Variants in JMJD1C observed in about 807,000 individuals in gnomAD.
The protein encoded by JMJD1C is jumonji domain containing 1C, also known as jumonji domain-containing protein 1C.
JMJD1C carries 31 observed loss-of-function variants against 245.3 expected under a neutral mutation model. The observed-to-expected ratio is 0.13, with a 90% confidence interval of 0.09 to 0.17. The LOEUF (loss-of-function observed/expected upper bound fraction) is 0.17, where lower values mean the gene tolerates loss of function less well. Ranked by LOEUF, JMJD1C falls within the 10% of genes least tolerant of loss-of-function variation. The pLI, the probability that JMJD1C is intolerant of heterozygous loss-of-function variation, is 1.00. For missense variants in JMJD1C, 2,691 were observed against 3,000.2 expected, an observed-to-expected ratio of 0.90 and a Z score of 2.41; for synonymous variants, 1,057 against 1,017.4, an observed-to-expected ratio of 1.04 and a Z score of -0.74.
At chr10:63,505,050 C>T (rs1331718029) in intron 1 of JMJD1C, among the ~76,000 whole-genome samples, 24 of 152,122 alleles carry the variant, frequency 1.6e-4, no homozygotes, top group Admixed American at 1.5e-3. Context: ...CAGTGGCTCA[C>T]GCCTATAACC....
At chr10:63,243,785 G>A (rs1329581428) in intron 3 of JMJD1C, among the ~76,000 whole-genome samples, 3 of 152,128 alleles carry the variant, frequency 2.0e-5, no homozygotes, top group African/African-American at 4.8e-5. Context: ...CCTCAAATAT[G>A]AGAGGGAGAC....
chr10:63,196,610 G>A (rs1011540883), intron 13 of JMJD1C, among the ~76,000 whole-genome samples: 3 of 152,018 alleles, frequency 2.0e-5, no homozygotes, highest in East Asian at 1.9e-4. Flanking sequence ...AAAAAAGAGC[G>A]GCCTGAAATG....
intron 3 of JMJD1C, among the ~76,000 whole-genome samples, chr10:63,259,631 A>T (rs910244605): frequency 1.3e-5 from 2 of 152,232 alleles, no homozygotes; most frequent in Admixed American, 6.5e-5. Flanking sequence ...GAAAGACTAC[A>T]GAAATAGATA....
At chr10:63,399,100 G>A (rs1326164327) in intron 1 of JMJD1C, among the ~76,000 whole-genome samples, 2 of 152,060 alleles carry the variant, frequency 1.3e-5, no homozygotes, top group Non-Finnish European at 2.9e-5. Context: ...TGTTTTTTAG[G>A]GAAAGCATCA....
At position 63,186,223 on chromosome 10, in the gene JMJD1C, T is replaced by G. The variant is rs1223639167; in HGVS notation, c.6731A>C (p.Glu2244Ala). ...NVKEFWDGFE[E>A]VSKRQKNKSG... is the part of the protein sequence containing the mutation. ...AATAAAAACCAACATACTTGAAACT[T>G]CTTCAAAACCATCCCAGAATTCCTT... Residue 2244 changes from glutamate (E) to alanine (A), a missense_variant, in exon 19 of 26, where the codon GAA (glutamate) becomes GCA (alanine). Around this residue, in one of 9 missense-constraint regions of JMJD1C, gnomAD observed 232 missense variants for 416.1 expected, o/e 0.56. Coordinates refer to ENST00000399262, the MANE Select transcript of JMJD1C (RefSeq NM_032776.3). The G allele has an allele frequency of 6.2e-7, 1 of 1,607,880 alleles. No homozygotes were observed. The highest frequency in any genetic ancestry group is 8.5e-7 in the Non-Finnish European group (1 of 1,178,158).
At chr10:63,500,428 GA>G (rs60605672) in intron 1 of JMJD1C, among the ~76,000 whole-genome samples, 3,361 of 112,032 alleles carry the variant, frequency 0.03, 100 homozygotes, top group African/African-American at 0.094. Context: ...GTCTCCAAAG[GA>G]AAAAAAAAAA....
chr10:63,202,372 A>G, intron 10 of JMJD1C: 1 of 985,364 alleles, frequency 1.0e-6, no homozygotes, highest in Non-Finnish European at 1.2e-6. Flanking sequence ...TTAGATTTAC[A>G]TAGTTTGCTA....
intron 3 of JMJD1C, among the ~76,000 whole-genome samples, chr10:63,223,229 G>GTT (rs35485931): frequency 2.3e-5 from 3 of 128,400 alleles, no homozygotes; most frequent in Non-Finnish European, 3.2e-5. Flanking sequence ...TTTCTGTGCT[G>GTT]TTTTTTTTTT....
In JMJD1C at chr10:63,185,644, T is replaced by C. The variant is rs2132914810; in HGVS notation, c.6749A>G (p.Lys2250Arg). ...AACAACTGTTTCTCCACTCTTGTTT[T>C]TCTGCCGTTCTATAAGGAATGCAGT... Reference protein sequence around the residue: ...DGFEEVSKRQKNKSGETVVLK... With the variant: ...DGFEEVSKRQRNKSGETVVLK... Residue 2250 changes from lysine (K) to arginine (R), a missense_variant, in exon 20 of 26, where the codon AAA (lysine) becomes AGA (arginine). By Grantham distance (26) the Lys-to-Arg change is conservative. Transcript: ENST00000399262. The C allele has an allele frequency of 1.3e-6, 2 of 1,587,014 alleles. No homozygotes were observed. Among genetic ancestry groups the C allele is most frequent in the Non-Finnish European group, 8.7e-7 (1 of 1,155,112 alleles).
chr10:63,310,670 T>G (rs574828148), intron 2 of JMJD1C, among the ~76,000 whole-genome samples: 1 of 152,268 alleles, frequency 6.6e-6, no homozygotes, highest in African/African-American at 2.4e-5. Context: ...CTTGCTAATG[T>G]GGAAAAATGA....
At chr10:63,251,205 G>A (rs2133625750) in intron 3 of JMJD1C, among the ~76,000 whole-genome samples, 1 of 152,238 alleles carries the variant, frequency 6.6e-6, no homozygotes, top group Middle Eastern at 3.4e-3. Flanking sequence ...TACAAAAATG[G>A]CTATTCCATA....
intron 1 of JMJD1C, among the ~76,000 whole-genome samples, chr10:63,381,554 G>A (rs1246296715): frequency 6.6e-6 from 1 of 152,086 alleles, no homozygotes; most frequent in Admixed American, 6.6e-5. Flanking sequence ...ACAAAAAGTG[G>A]ATCTCATGGA....
At chr10:63,173,137 TTC>T (rs1222487714) in intron 24 of JMJD1C, among the ~76,000 whole-genome samples, 5 of 152,106 alleles carry the variant, frequency 3.3e-5, no homozygotes, top group Non-Finnish European at 5.9e-5. Flanking sequence ...TTTTGAATTT[TTC>T]TGTTTATGTA....
intron 2 of JMJD1C, among the ~76,000 whole-genome samples, chr10:63,360,697 T>C (rs1945250628): frequency 6.6e-6 from 1 of 152,204 alleles, no homozygotes; most frequent in Non-Finnish European, 1.5e-5. Context: ...GCTTATATTA[T>C]AAAAAAATTA....
chr10:63,205,082 T>C (rs1182954613), intron 10 of JMJD1C: 4 of 913,394 alleles, frequency 4.4e-6, no homozygotes, highest in Non-Finnish European at 5.2e-6. Flanking sequence ...AGTAAAATGA[T>C]ATAGAAACAC....
At chr10:63,507,981 C>T (rs1454818723) in intron 1 of JMJD1C, among the ~76,000 whole-genome samples, 1 of 152,044 alleles carries the variant, frequency 6.6e-6, no homozygotes, top group Non-Finnish European at 1.5e-5. Flanking sequence ...CGTCGTTTAT[C>T]AAATATATCT....
intron 1 of JMJD1C, among the ~76,000 whole-genome samples, chr10:63,437,407 C>T (rs1264349713): frequency 6.6e-6 from 1 of 152,166 alleles, no homozygotes; most frequent in Non-Finnish European, 1.5e-5. Flanking sequence ...TAGCTACCTA[C>T]AGCTATTCTC....
At chr10:63,183,639 C>A in intron 21 of JMJD1C, 70 bp from the exon 22 acceptor site, 1 of 900,790 alleles carries the variant, frequency 1.1e-6, no homozygotes, top group East Asian at 2.9e-5. Flanking sequence ...AGATATTCCC[C>A]CAAATTAGCT....
chr10:63,463,581 A>G (rs1169393058), intron 1 of JMJD1C, among the ~76,000 whole-genome samples: 1 of 152,222 alleles, frequency 6.6e-6, no homozygotes, highest in East Asian at 1.9e-4. Context: ...ATGTAAGAAA[A>G]TCTGGGAATA....
Sources: gnomAD v4.1 joint callset for allele counts (sites outside exome capture counted in the v4.1 genomes callset) on GRCh38, gnomAD v4.1.1 for gene constraint, gnomAD v4.1.1 regional missense constraint, MANE v1.5 for transcripts, NCBI Gene and HGNC (gene_info 2026-07-23, HGNC 2026-07-21) for gene names.